The following BAZ2B variants were observed in gnomAD, a reference collection of about 807,000 sequenced individuals.
The protein encoded by BAZ2B is bromodomain adjacent to zinc finger domain protein 2B.
A neutral mutation model predicts 246.0 loss-of-function variants in BAZ2B; 91 were observed. That is an observed-to-expected ratio of 0.37 (90% CI 0.31 to 0.44). The LOEUF is 0.44. BAZ2B is among the 20% of genes least tolerant of loss of function. The pLI is 1.00. For synonymous variants in BAZ2B, 855 were observed against 860.0 expected (o/e 0.99, Z 0.10); for missense variants, 2,332 against 2,533.7 (o/e 0.92, Z 1.71).
intron 2 of BAZ2B, among the ~76,000 whole-genome samples, chr2:159,525,600 A>T (rs202171162): frequency 7.9e-6 from 1 of 126,584 alleles, no homozygotes; most frequent in Non-Finnish European, 1.8e-5. Flanking sequence ...ATATCTCATT[A>T]TATATATGGA....
intron 14 of BAZ2B, among the ~76,000 whole-genome samples, chr2:159,409,121 A>G (rs1026869998): frequency 2.0e-5 from 3 of 152,070 alleles, no homozygotes; most frequent in African/African-American, 7.2e-5. Flanking sequence ...TTTGTGGCTT[A>G]AGAAACTGTC....
intron 1 of BAZ2B, among the ~76,000 whole-genome samples, chr2:159,578,644 A>C (rs1685945471): frequency 6.6e-6 from 1 of 152,192 alleles, no homozygotes; most frequent in African/African-American, 2.4e-5. Flanking sequence ...AACACATCGC[A>C]CTTATTCCAA....
intron 13 of BAZ2B, among the ~76,000 whole-genome samples, chr2:159,425,209 C>T (rs2069567583): frequency 6.6e-6 from 1 of 152,240 alleles, no homozygotes; most frequent in African/African-American, 2.4e-5. Context: ...TAGATGGAGT[C>T]TCACTCTGTC....
At chr2:159,341,885 T>A (rs1026675945) in intron 31 of BAZ2B, among the ~76,000 whole-genome samples, 2 of 152,104 alleles carry the variant, frequency 1.3e-5, no homozygotes, top group African/African-American at 2.4e-5. Context: ...AAGAAGCAAG[T>A]TTATAGCAAT....
intron 2 of BAZ2B, among the ~76,000 whole-genome samples, chr2:159,497,249 T>C (rs544400962): frequency 1.3e-5 from 2 of 152,292 alleles, no homozygotes; most frequent in Admixed American, 6.5e-5. Flanking sequence ...GTTTCACTCA[T>C]GAACTACCAG....
the BAZ2B span, among the ~76,000 whole-genome samples, chr2:159,692,488 G>A: frequency 6.6e-6 from 1 of 152,014 alleles, no homozygotes; most frequent in Non-Finnish European, 1.5e-5. Flanking sequence ...TCTAGGCTAT[G>A]TGGTTCATCT....
At chr2:159,589,476 G>A (rs1688798006) in intron 1 of BAZ2B, among the ~76,000 whole-genome samples, 1 of 151,840 alleles carries the variant, frequency 6.6e-6, no homozygotes, top group Admixed American at 6.6e-5. Context: ...ACACTGTGAG[G>A]AAAAAATGAT....
chr2:159,542,724 A>G (rs1274197970), intron 2 of BAZ2B, among the ~76,000 whole-genome samples: 2 of 152,210 alleles, frequency 1.3e-5, no homozygotes, highest in East Asian at 3.8e-4. Context: ...GGCAGTAGAA[A>G]AACAAATCTG....
chr2:159,442,718 G>T (rs2073649592), intron 6 of BAZ2B, among the ~76,000 whole-genome samples: 1 of 152,096 alleles, frequency 6.6e-6, no homozygotes, highest in Admixed American at 6.6e-5. Flanking sequence ...TAATTCTGAT[G>T]AGTCTAAGTA....
chr2:159,579,289 A>G (rs542621873), intron 1 of BAZ2B, among the ~76,000 whole-genome samples: 1 of 152,340 alleles, frequency 6.6e-6, no homozygotes, highest in African/African-American at 2.4e-5. Context: ...AGAGAATACT[A>G]TAAACACCTC....
the BAZ2B span, chr2:159,689,359 C>A: frequency 7.2e-6 from 2 of 278,580 alleles, no homozygotes; most frequent in Non-Finnish European, 1.3e-5. Context: ...GCTTCTTCAG[C>A]ATTTTTACTT....
chr2:159,706,164 T>C, the BAZ2B span, among the ~76,000 whole-genome samples: 1 of 151,544 alleles, frequency 6.6e-6, no homozygotes, highest in Non-Finnish European at 1.5e-5. Flanking sequence ...TACACAGTAG[T>C]TGGTCAACAT....
intron 27 of BAZ2B, among the ~76,000 whole-genome samples, chr2:159,361,711 C>T (rs2059711771): frequency 6.6e-6 from 1 of 152,092 alleles, no homozygotes; most frequent in Non-Finnish European, 1.5e-5. Flanking sequence ...AACTCAAATG[C>T]CCATAAATGA....
chr2:159,551,419 A>G (rs2088212244), intron 2 of BAZ2B, among the ~76,000 whole-genome samples: 1 of 149,168 alleles, frequency 6.7e-6, no homozygotes, highest in Non-Finnish European at 1.5e-5. Flanking sequence ...CAGTGGGCCA[A>G]GACTACACCA....
intron 1 of BAZ2B, among the ~76,000 whole-genome samples, chr2:159,598,963 C>T (rs1691433684): frequency 6.6e-6 from 1 of 152,022 alleles, no homozygotes; most frequent in African/African-American, 2.4e-5. Flanking sequence ...TAGCTGTTAA[C>T]TGGGTGTGGT....
the BAZ2B span, among the ~76,000 whole-genome samples, chr2:159,655,250 ATC>A: frequency 3.3e-5 from 5 of 151,982 alleles, no homozygotes; most frequent in African/African-American, 1.2e-4. Context: ...AAATACAAAA[ATC>A]TCTGTTTTTA....
rs2058411254 is a variant in BAZ2B, at chr2:159,350,266, A to G, written c.4305T>C (p.Ser1435=). 2 of 1,612,202 alleles carry G rather than the reference A, an allele frequency of 1.2e-6. No homozygotes were observed. The highest frequency in any genetic ancestry group is 1.7e-6 in the Non-Finnish European group (2 of 1,178,800). The change falls in exon 28 of 37, where the codon AGT becomes AGC. Residue 1435 remains serine (S), a synonymous_variant. Coordinates refer to ENST00000392783, the MANE Select transcript of BAZ2B (RefSeq NM_013450.4). ...AGTGATCTGTATTTGAACAATTTAA[A>G]CTGTCCCCAGAAGTCTCAAACATTT... ...KEEMFETSGD[S]LNCSNTDHCE...
At chr2:159,551,584 T>C (rs899555127) in intron 2 of BAZ2B, among the ~76,000 whole-genome samples, 4 of 151,202 alleles carry the variant, frequency 2.6e-5, no homozygotes, top group African/African-American at 9.7e-5. Flanking sequence ...AAATTACATA[T>C]AAACAAGACT....
At position 159,597,645 on chromosome 2, in the gene BAZ2B, G is replaced by C. The variant is rs144663677; in HGVS notation, c.-46+18597C>G. Among the ~76,000 whole-genome samples the C allele has an allele frequency of 2.6e-4, 39 of 152,290 alleles. No homozygotes were observed. In the East Asian group the frequency reaches 6.9e-3, roughly 27 times the overall value. ...AGGTTCAAGCGATTCTCCTGCCTCA[G>C]CATCCCAAGTAGCTGGGATTTCAGG... On this transcript the variant is annotated intron_variant, in intron 1 of 36. Transcript: ENST00000392783.
Sources: gnomAD v4.1 joint callset for allele counts (sites outside exome capture counted in the v4.1 genomes callset) on GRCh38, gnomAD v4.1.1 for gene constraint, MANE v1.5 for transcripts, NCBI Gene and HGNC (gene_info 2026-07-23, HGNC 2026-07-21) for gene names.